The following PLCG2 variants were observed in gnomAD, a reference collection of about 807,000 sequenced individuals.
PLCG2 encodes 1-phosphatidylinositol 4,5-bisphosphate phosphodiesterase gamma-2.
A neutral mutation model predicts 175.6 loss-of-function variants in PLCG2; 69 were observed. That is an observed-to-expected ratio of 0.39 (90% confidence interval 0.32 to 0.48). The LOEUF (loss-of-function observed/expected upper bound fraction) is 0.48, where lower values mean the gene tolerates loss of function less well. PLCG2 is among the 20% of genes least tolerant of loss of function. The pLI is 0.91. For missense variants in PLCG2, 1,798 were observed against 1,650.9 expected, an observed-to-expected ratio of 1.09 and a Z score of -1.54; for synonymous variants, 827 against 624.0, an observed-to-expected ratio of 1.33 and a Z score of -4.85.
intron 22 of PLCG2, among the ~76,000 whole-genome samples, chr16:81,925,123 A>T (rs1453709589): frequency 6.6e-6 from 1 of 152,218 alleles, no homozygotes; most frequent in Non-Finnish European, 1.5e-5. Context: ...TGCCTCTGAC[A>T]GGCAGTTCTC....
At chr16:81,927,313 G>A (rs562621226) in intron 23 of PLCG2, 135 bp downstream of exon 23, 87 of 651,098 alleles carry the variant, frequency 1.3e-4, no homozygotes, top group African/African-American at 1.2e-3. Context: ...GATCAGGGAA[G>A]ACACAGTGAT....
At chr16:81,802,404 G>A (rs78454823) in intron 2 of PLCG2, among the ~76,000 whole-genome samples, 3,789 of 151,810 alleles carry the variant, frequency 0.025, 154 homozygotes, top group African/African-American at 0.084. Context: ...GAGCCACCGC[G>A]CCCGGCCTCA....
chr16:81,956,101 G>C (rs1446417255), intron 31 of PLCG2, among the ~76,000 whole-genome samples: 2 of 152,136 alleles, frequency 1.3e-5, no homozygotes, highest in East Asian at 3.8e-4. Flanking sequence ...AACCTACTTT[G>C]TCTCTGTGAT....
intron 10 of PLCG2, among the ~76,000 whole-genome samples, chr16:81,891,098 G>A (rs542324064): frequency 3.3e-5 from 5 of 152,174 alleles, no homozygotes; most frequent in Non-Finnish European, 7.3e-5. Flanking sequence ...AGGAGGTGGA[G>A]GTTGCAGTGA....
intron 11 of PLCG2, among the ~76,000 whole-genome samples, chr16:81,891,817 G>C (rs1908651092): frequency 6.6e-6 from 1 of 152,146 alleles, no homozygotes; most frequent in African/African-American, 2.4e-5. Context: ...GCCCTAAAAA[G>C]CTAGTAAAAA....
intron 2 of PLCG2, among the ~76,000 whole-genome samples, chr16:81,760,297 A>C (rs1910010674): frequency 6.6e-6 from 1 of 152,122 alleles, no homozygotes; most frequent in Admixed American, 6.6e-5. Context: ...GGCACAGAGC[A>C]TGGCTGGTTC....
At chr16:81,778,033 A>AACAAC (rs1555505440), upstream of PLCG2, among the ~76,000 whole-genome samples, 1 of 32,202 alleles carries the variant, frequency 3.1e-5, no homozygotes, top group Non-Finnish European at 7.7e-5. Context: ...AAAAAAAAAC[A>AACAAC]AAAAAAAAAC....
At chr16:81,815,932 T>TG in intron 2 of PLCG2, among the ~76,000 whole-genome samples, 1 of 151,236 alleles carries the variant, frequency 6.6e-6, no homozygotes, top group East Asian at 2.0e-4. Context: ...CATGGTGACT[T>TG]GCGCCTGTAA....
chr16:81,880,885 T>A (rs1353698050), intron 7 of PLCG2, 25 bp from the exon 8 acceptor site: 1 of 1,613,378 alleles, frequency 6.2e-7, no homozygotes, highest in Non-Finnish European at 8.5e-7. Context: ...AAGGTTCTTT[T>A]TTTTGTGTGT....
At chr16:81,905,358 C>A in intron 14 of PLCG2, 45 bp from the exon 15 acceptor site, 1 of 1,408,818 alleles carries the variant, frequency 7.1e-7, no homozygotes, top group Non-Finnish European at 1.0e-6. Flanking sequence ...AAGGCCTAAA[C>A]TTGGGTCTCC....
At chr16:81,810,149 G>A (rs550610868) in intron 2 of PLCG2, among the ~76,000 whole-genome samples, 6 of 151,998 alleles carry the variant, frequency 3.9e-5, no homozygotes, top group African/African-American at 1.4e-4. Context: ...TCACCACCAC[G>A]CCCAGCTAAT....
chr16:81,763,778 C>A (rs1037848132), intron 2 of PLCG2, among the ~76,000 whole-genome samples: 1 of 141,094 alleles, frequency 7.1e-6, no homozygotes, highest in African/African-American at 2.7e-5. Context: ...ACCAGCCTGG[C>A]CAACATGGTG....
At chr16:81,851,713 T>G (rs1013738783) in intron 2 of PLCG2, among the ~76,000 whole-genome samples, 1 of 152,192 alleles carries the variant, frequency 6.6e-6, no homozygotes, top group Non-Finnish European at 1.5e-5. Flanking sequence ...GGGTTTCACC[T>G]TGTTGGCCAG....
At chr16:81,888,249 T>G (rs904978279) in intron 9 of PLCG2, among the ~76,000 whole-genome samples, 1 of 152,144 alleles carries the variant, frequency 6.6e-6, no homozygotes, top group African/African-American at 2.4e-5. Context: ...TTCACTCTGT[T>G]GTCCAGGCTG....
chr16:81,754,593 T>A (rs1384238430), intron 1 of PLCG2, among the ~76,000 whole-genome samples: 1 of 149,656 alleles, frequency 6.7e-6, no homozygotes, highest in Non-Finnish European at 1.5e-5. Flanking sequence ...CTTCACAGTT[T>A]GTCAAGGACC....
At chr16:81,811,394 G>A (rs1057305389) in intron 2 of PLCG2, among the ~76,000 whole-genome samples, 2 of 152,182 alleles carry the variant, frequency 1.3e-5, no homozygotes, top group African/African-American at 4.8e-5. Flanking sequence ...AAAAGGGAAG[G>A]CCATTCCCAG....
intron 1 of PLCG2, among the ~76,000 whole-genome samples, chr16:81,749,668 T>G (rs566397725): frequency 2.7e-4 from 41 of 152,276 alleles, no homozygotes; most frequent in Non-Finnish European, 3.2e-4. Context: ...TTAAATAAAT[T>G]TAAAGAAATA....
In PLCG2 at chr16:81,876,699, C is replaced by T. The variant is rs12925139; in HGVS notation, c.649-4211C>T. Reference sequence around the variant, plus strand: ...TAACAATACAGCTGTTTCTCCTGACCTCACTGGCCCTTTGCTGGGGTGGGA... The same window carrying T: ...TAACAATACAGCTGTTTCTCCTGACTTCACTGGCCCTTTGCTGGGGTGGGA... On this transcript the variant is annotated intron_variant, in intron 7 of 32. Transcript: ENST00000564138. Among the ~76,000 whole-genome samples the T allele has an allele frequency of 4.1e-3, 630 of 152,354 alleles. 3 individuals are homozygous for T. The highest frequency in any genetic ancestry group is 0.01 in the Middle Eastern group (3 of 294).
chr16:81,778,039 A>AAACAAAACAAAC (rs1597311817), upstream of PLCG2, among the ~76,000 whole-genome samples: 7 of 80,428 alleles, frequency 8.7e-5, 1 homozygote, highest in East Asian at 2.8e-4. Context: ...AAACAAAAAA[A>AAACAAAACAAAC]AAACAAAAAA....
Sources: allele counts gnomAD v4.1 joint callset (sites outside exome capture counted in the v4.1 genomes callset), GRCh38; gene constraint gnomAD v4.1.1; transcripts MANE v1.5; gene names NCBI Gene and HGNC (gene_info 2026-07-23, HGNC 2026-07-21).